NTRK1: variants seen among roughly 807,000 people sequenced by gnomAD.
NTRK1 encodes neurotrophic receptor tyrosine kinase 1.
A neutral mutation model predicts 86.8 loss-of-function variants in NTRK1; 62 were observed. That is an observed-to-expected ratio of 0.71 (90% CI 0.58 to 0.88). The LOEUF is 0.88. Ranked by LOEUF, NTRK1 falls within the 40% of genes least tolerant of loss-of-function variation. The pLI is 0.00. For synonymous variants in NTRK1, 469 were observed against 456.6 expected, an observed-to-expected ratio of 1.03 and a Z score of -0.35; for missense variants, 967 against 1,078.4, an observed-to-expected ratio of 0.90 and a Z score of 1.45.
chr1:156,843,544 G>A, intron 2 of NTRK1: 1 of 1,480,658 alleles, frequency 6.8e-7, no homozygotes, highest in Non-Finnish European at 9.4e-7. Flanking sequence ...AACATCAGAA[G>A]AAGGAAGAAG....
intron 1 of NTRK1, among the ~76,000 whole-genome samples, chr1:156,822,925 T>TA (rs1255404928): frequency 6.6e-6 from 1 of 152,226 alleles, no homozygotes; most frequent in Admixed American, 6.5e-5. Flanking sequence ...GTGTGGCAGC[T>TA]ACTTTAGCTC....
At chr1:156,869,230 C>T (rs2768754) in intron 6 of NTRK1, among the ~76,000 whole-genome samples, 149,175 of 152,092 alleles carry the variant, frequency 0.98, 73,244 homozygotes, top group Middle Eastern at 1. Context: ...CAGGCACGCG[C>T]CACCATGCCC....
At chr1:156,849,229 T>A in intron 2 of NTRK1, 3 of 1,612,646 alleles carry the variant, frequency 1.9e-6, no homozygotes, top group Non-Finnish European at 2.5e-6. Context: ...CCACCGGCAC[T>A]GGGGTTGGGG....
chr1:156,841,567 G>A (rs750249647), intron 1 of NTRK1: 26 of 1,612,714 alleles, frequency 1.6e-5, no homozygotes, highest in African/African-American at 9.4e-5. Context: ...AGCACCCTTC[G>A]TGCTACTCAG....
chr1:156,818,970 T>A (rs774356956), intron 1 of NTRK1, among the ~76,000 whole-genome samples: 6 of 152,172 alleles, frequency 3.9e-5, no homozygotes, highest in Non-Finnish European at 7.3e-5. Context: ...TTTCACCACA[T>A]CCATGCCAAC....
At chr1:156,821,440 C>A (rs1654186045) in intron 1 of NTRK1, among the ~76,000 whole-genome samples, 2 of 149,892 alleles carry the variant, frequency 1.3e-5, no homozygotes, top group Non-Finnish European at 3.0e-5. Flanking sequence ...CCTCAGAGGC[C>A]CCCTAATTTA....
At chr1:156,853,500 C>T (rs942666041) in intron 2 of NTRK1, among the ~76,000 whole-genome samples, 1 of 152,234 alleles carries the variant, frequency 6.6e-6, no homozygotes, top group Non-Finnish European at 1.5e-5. Context: ...ATTCTTTTCC[C>T]CCCATGCCCA....
At chr1:156,849,219 C>G in intron 2 of NTRK1, 1 of 1,611,430 alleles carries the variant, frequency 6.2e-7, no homozygotes, top group Non-Finnish European at 8.5e-7. Context: ...GGCCGCGTGT[C>G]CACCGGCACT....
At chr1:156,842,146 G>A in exon 2 of NTRK1, 1 of 1,614,090 alleles carries the variant, frequency 6.2e-7, no homozygotes, top group Admixed American at 1.7e-5. Flanking sequence ...GGGACACCAT[G>A]CAGTTGCGGG....
At chr1:156,815,969 G>T in intron 1 of NTRK1, 1 of 1,557,106 alleles carries the variant, frequency 6.4e-7, no homozygotes, top group Non-Finnish European at 8.7e-7. Context: ...AGAGATGAGG[G>T]AGCTGCACCA....
At chr1:156,843,414 C>T in intron 2 of NTRK1, 1 of 1,613,886 alleles carries the variant, frequency 6.2e-7, no homozygotes, top group Non-Finnish European at 8.5e-7. Flanking sequence ...TGTCCACCCA[C>T]TCCCAGACCT....
intron 1 of NTRK1, among the ~76,000 whole-genome samples, chr1:156,836,452 C>G (rs1365049330): frequency 5.3e-5 from 8 of 152,192 alleles, no homozygotes; most frequent in African/African-American, 1.9e-4. Context: ...CCTCTGACAT[C>G]TAGAGGCCTT....
chr1:156,855,138 G>A (rs1655361214), intron 2 of NTRK1, among the ~76,000 whole-genome samples: 1 of 150,680 alleles, frequency 6.6e-6, no homozygotes, highest in African/African-American at 2.4e-5. Flanking sequence ...CTGGCCAAAT[G>A]TCCCCTTCTC....
At chr1:156,870,413 TGGA>T (rs1647483995) in intron 6 of NTRK1, among the ~76,000 whole-genome samples, 1 of 152,128 alleles carries the variant, frequency 6.6e-6, no homozygotes, top group South Asian at 2.1e-4. Context: ...ATGGGTTAAA[TGGA>T]GGAGAAGAGA....
intron 3 of NTRK1, among the ~76,000 whole-genome samples, chr1:156,866,357 A>G (rs915253896): frequency 1.3e-5 from 2 of 152,140 alleles, no homozygotes; most frequent in Non-Finnish European, 2.9e-5. Context: ...CCATCCATAC[A>G]ACGAGGGGGC....
intron 14 of NTRK1, 72 bp downstream of exon 14, chr1:156,876,644 TC>T (rs1647938555): frequency 7.3e-6 from 11 of 1,516,938 alleles, no homozygotes; most frequent in African/African-American, 1.4e-5. Context: ...CCTATAGACA[TC>T]CCTGCTTGTC....
chr1:156,851,464 G>C (rs747170988), intron 2 of NTRK1: 1 of 1,613,708 alleles, frequency 6.2e-7, no homozygotes, highest in Non-Finnish European at 8.5e-7. Flanking sequence ...GCTGGAGTAG[G>C]AGCAAGGAAG....
At position 156,847,128 on chromosome 1, in the gene NTRK1, G is replaced by C. The variant is rs552709691; in HGVS notation, c.50+4935G>C. Among the ~76,000 whole-genome samples the C allele has an allele frequency of 5.9e-5, 9 of 152,320 alleles. No individual in the cohort carries two copies. The East Asian group carries it at 1.7e-3, about 29-fold the overall frequency. The stretch of plus-strand genomic sequence containing the variant: ...TAATTCCCCTAAGTCTAATTGCCTG[G>C]AACGAGGAACAGGAGACTGCTCCCT... On this transcript the variant is annotated intron_variant, in intron 2 of 16. Coordinates refer to the NTRK1 transcript ENST00000392302.
intron 1 of NTRK1, among the ~76,000 whole-genome samples, chr1:156,821,882 T>A (rs1292848499): frequency 1.3e-5 from 2 of 152,240 alleles, no homozygotes; most frequent in Non-Finnish European, 2.9e-5. Flanking sequence ...AGAGGTTTCA[T>A]CCTCTGGACC....
Sources: gnomAD v4.1 joint callset for allele counts (sites outside exome capture counted in the v4.1 genomes callset) on GRCh38, gnomAD v4.1.1 for gene constraint, MANE v1.5 for transcripts, NCBI Gene and HGNC (gene_info 2026-07-23, HGNC 2026-07-21) for gene names.